Variants in RYR3 observed in about 807,000 individuals in gnomAD.
RYR3 encodes the protein ryanodine receptor 3, also known as brain ryanodine receptor-calcium release channel.
A neutral mutation model predicts 584.3 loss-of-function variants in RYR3; 207 were observed. The observed-to-expected ratio is 0.35, with a 90% CI of 0.32 to 0.40. RYR3 has a LOEUF of 0.40. RYR3 is among the 10% of genes least tolerant of loss of function. The pLI, the probability that RYR3 is intolerant of heterozygous loss-of-function variation, is 1.00. For synonymous variants in RYR3, 2,416 were observed against 2,248.5 expected, an observed-to-expected ratio of 1.07 and a Z score of -2.11; for missense variants, 5,616 against 6,089.2, an observed-to-expected ratio of 0.92 and a Z score of 2.59.
At chr15:33,334,233 A>C (rs1298118132) in intron 1 of RYR3, among the ~76,000 whole-genome samples, 1 of 152,234 alleles carries the variant, frequency 6.6e-6, no homozygotes, top group East Asian at 1.9e-4. Flanking sequence ...AGGCAATCCT[A>C]AGCAAAAGGA....
At chr15:33,598,449 A>G (rs2467561) in intron 16 of RYR3, among the ~76,000 whole-genome samples, 67,479 of 151,766 alleles carry the variant, frequency 0.44, 15,544 homozygotes, top group East Asian at 0.79. Context: ...CTAAACTAAC[A>G]ACGATCACAC....
At chr15:33,549,114 C>T (rs2056475342) in intron 9 of RYR3, among the ~76,000 whole-genome samples, 1 of 151,944 alleles carries the variant, frequency 6.6e-6, no homozygotes, top group Admixed American at 6.6e-5. Flanking sequence ...TAAGGAACAC[C>T]GGTTTTAAGG....
chr15:33,660,200 G>A lies in RYR3; in HGVS notation c.4399G>A (p.Ala1467Thr), dbSNP rs748230905. 7 of 1,550,588 alleles carry A rather than the reference G, an allele frequency of 4.5e-6. No individual in the cohort carries two copies. The highest frequency in any genetic ancestry group is 1.2e-5 in the South Asian group (1 of 83,984). Residue 1467 changes from alanine to threonine, a missense_variant, in exon 34 of 104, where the codon GCA becomes ACA. Transcript: ENST00000634891. Reference sequence around the variant, plus strand: ...ATGCCTTTCCCACGTGCCCCAGAACGCAATGCCCCTGTCAGCGGCCATATT... The same window carrying A: ...ATGCCTTTCCCACGTGCCCCAGAACACAATGCCCCTGTCAGCGGCCATATT... ...FQFELGKLKN[A>T]MPLSAAIFRS...
At chr15:33,660,540 AC>A in intron 34 of RYR3, 117 bp downstream of exon 34, 1 of 643,684 alleles carries the variant, frequency 1.6e-6, no homozygotes, top group Non-Finnish European at 2.6e-6. Flanking sequence ...TCCCAGTATG[AC>A]TTGATTTCCC....
intron 19 of RYR3, among the ~76,000 whole-genome samples, chr15:33,618,193 T>C (rs114071559): frequency 0.014 from 2,133 of 152,312 alleles, 59 homozygotes; most frequent in African/African-American, 0.047. Context: ...GAGTTAGGCA[T>C]CATAGAATAT....
At chr15:33,490,371 C>T (rs1216427775) in intron 2 of RYR3, among the ~76,000 whole-genome samples, 2 of 152,186 alleles carry the variant, frequency 1.3e-5, no homozygotes, top group Non-Finnish European at 2.9e-5. Context: ...GGAGCATTTT[C>T]ATGAAGGATC....
At chr15:33,616,266 C>T (rs545342366) in intron 19 of RYR3, among the ~76,000 whole-genome samples, 3 of 152,344 alleles carry the variant, frequency 2.0e-5, no homozygotes, top group African/African-American at 4.8e-5. Context: ...GAGAATGGTA[C>T]ATCTGCTCTC....
Position 33,724,109 on chromosome 15 carries a change from G to A in RYR3, c.6845G>A (p.Gly2282Asp). 3 of 1,612,664 alleles carry A rather than the reference G, an allele frequency of 1.9e-6. No individual in the cohort carries two copies. Among genetic ancestry groups the A allele is most frequent in the Non-Finnish European group, 2.5e-6 (3 of 1,178,824 alleles). ...GAGGAAGAAGAAATCGTGCATATGG[G>A]CAATGCAATTATGTCATTTTATTCG... ...DEEEEEIVHM[G>D]NAIMSFYSAL... The change falls in exon 45 of 104, where the codon GGC becomes GAC. Residue 2282 changes from glycine to aspartate, a missense_variant. By Grantham distance (94) the Gly-to-Asp change is moderately conservative (BLOSUM62 -1). Around this residue, in one of 9 missense-constraint regions of RYR3, gnomAD observed 1,280 missense variants for 1,426.2 expected, o/e 0.90. Transcript: ENST00000634891.
At chr15:33,728,404 T>C (rs138765928) in intron 46 of RYR3, among the ~76,000 whole-genome samples, 1 of 152,254 alleles carries the variant, frequency 6.6e-6, no homozygotes, top group Non-Finnish European at 1.5e-5. Context: ...AATATCTACT[T>C]AATTGTAAAT....
chr15:33,821,671 G>A (rs1171276854), intron 80 of RYR3, 69 bp downstream of exon 80: 1 of 1,485,824 alleles, frequency 6.7e-7, no homozygotes, highest in Non-Finnish European at 9.4e-7. Flanking sequence ...CATGCTTCAG[G>A]GAAGAGGAGT....
chr15:33,480,957 C>G (rs2049908398), intron 2 of RYR3, among the ~76,000 whole-genome samples: 1 of 152,166 alleles, frequency 6.6e-6, no homozygotes, highest in Non-Finnish European at 1.5e-5. Context: ...GGATTTGTCT[C>G]TCTTTAGTTC....
At chr15:33,739,230 G>A (rs1038312954) in intron 50 of RYR3, among the ~76,000 whole-genome samples, 3 of 152,200 alleles carry the variant, frequency 2.0e-5, no homozygotes, top group African/African-American at 7.2e-5. Context: ...GAGAAATCTA[G>A]AACATGCACA....
chr15:33,499,543 A>G (rs181826149), intron 2 of RYR3, among the ~76,000 whole-genome samples: 1 of 152,232 alleles, frequency 6.6e-6, no homozygotes, highest in Non-Finnish European at 1.5e-5. Flanking sequence ...TAGTGAACAT[A>G]TAAGTGAGTT....
At chr15:33,822,017 C>CCATCCATTCATTCATTCATTCATT (rs142617100) in intron 80 of RYR3, among the ~76,000 whole-genome samples, 4 of 151,414 alleles carry the variant, frequency 2.6e-5, no homozygotes, top group Non-Finnish European at 5.9e-5. Flanking sequence ...GTTCGTTCAT[C>CCATCCATTCATTCATTCATTCATT]CATTCATTCA....
At chr15:33,536,330 G>C (rs1055497957) in intron 5 of RYR3, among the ~76,000 whole-genome samples, 8 of 152,178 alleles carry the variant, frequency 5.3e-5, no homozygotes, top group African/African-American at 1.9e-4. Context: ...ACACAGAATT[G>C]ATGATCATTT....
At chr15:33,712,121 A>G (rs2067163577) in intron 43 of RYR3, among the ~76,000 whole-genome samples, 2 of 152,132 alleles carry the variant, frequency 1.3e-5, no homozygotes, top group African/African-American at 2.4e-5. Flanking sequence ...GGCACATCAT[A>G]GGGTGAAAGC....
intron 25 of RYR3, 37 bp downstream of exon 25, chr15:33,634,770 A>C (rs561096109): frequency 6.3e-7 from 1 of 1,591,946 alleles, no homozygotes; most frequent in African/African-American, 1.3e-5. Context: ...GCCCCAGTTT[A>C]CTAAACAGGT....
intron 67 of RYR3, among the ~76,000 whole-genome samples, chr15:33,794,185 ATAAAT>A (rs2075400755): frequency 2.6e-5 from 2 of 76,772 alleles, no homozygotes; most frequent in East Asian, 2.8e-3. Context: ...TACATTATAT[ATAAAT>A]ATATATTATA....
rs1479151071 is a variant in RYR3, at chr15:33,311,237, G to C, written c.51+141G>C. 2 of 554,368 alleles carry C rather than the reference G, an allele frequency of 3.6e-6. No individual in the cohort carries two copies. The highest frequency in any genetic ancestry group is 5.7e-6 in the Non-Finnish European group (2 of 351,648). The allele number at this position is 554,368 out of a possible 1,614,324, so 34.3% of individuals were successfully genotyped here. ...CTCCGCACCCGCGGGCTGCAGAGGC[G>C]GACCGGCCACCTACCCGCGGGGCCG... On this transcript the variant is annotated intron_variant, in intron 1 of 103. Transcript: ENST00000634891. This position sits in a 1 kb window ranked among gnomAD's most constrained non-coding sequence, Gnocchi z 4.4.
Sources: allele counts gnomAD v4.1 joint callset (sites outside exome capture counted in the v4.1 genomes callset), GRCh38; gene constraint gnomAD v4.1.1; regional missense constraint gnomAD v4.1.1; non-coding constraint Gnocchi (gnomAD v3.1); transcripts MANE v1.5; gene names NCBI Gene and HGNC (gene_info 2026-07-23, HGNC 2026-07-21).